The following CHD6 variants were observed in gnomAD, a reference collection of about 807,000 sequenced individuals.
CHD6 encodes the protein ATP-dependent chromatin remodeler CHD6.
CHD6 carries 50 observed loss-of-function variants against 276.9 expected under a neutral mutation model. That is an observed-to-expected ratio of 0.18 (90% CI 0.14 to 0.23). CHD6 has a LOEUF of 0.23. Among genes scored for constraint, CHD6 ranks in the 10% least tolerant of loss-of-function variants. CHD6 has a pLI of 1.00. For synonymous variants in CHD6, 1,173 were observed against 1,229.3 expected, an observed-to-expected ratio of 0.95 and a Z score of 0.96; for missense variants, 2,564 against 3,365.8, an observed-to-expected ratio of 0.76 and a Z score of 5.89.
chr20:41,490,085 T>A (rs533119862), intron 11 of CHD6, 64 bp from the exon 12 acceptor site: 41 of 1,412,668 alleles, frequency 2.9e-5, no homozygotes, highest in East Asian at 1.1e-4. Context: ...AGGCTGGTTA[T>A]AACTTGAAAA....
intron 17 of CHD6, among the ~76,000 whole-genome samples, chr20:41,470,348 A>G (rs2043025917): frequency 6.6e-6 from 1 of 151,390 alleles, no homozygotes; most frequent in Non-Finnish European, 1.5e-5. Context: ...TAGACTGGCT[A>G]GACTTTAAAA....
intron 1 of CHD6, among the ~76,000 whole-genome samples, chr20:41,617,929 G>T (rs1020531252): frequency 3.4e-5 from 5 of 146,942 alleles, no homozygotes; most frequent in Admixed American, 3.4e-4. Context: ...GGGCCCGGGG[G>T]TCCCACCGCG....
intron 17 of CHD6, among the ~76,000 whole-genome samples, chr20:41,471,438 A>T (rs1407942401): frequency 6.6e-6 from 1 of 152,202 alleles, no homozygotes; most frequent in African/African-American, 2.4e-5. Flanking sequence ...GAAAGATGGT[A>T]AGCTAGTTAT....
chr20:41,493,297 C>A (rs2043600559), intron 10 of CHD6, among the ~76,000 whole-genome samples: 1 of 151,982 alleles, frequency 6.6e-6, no homozygotes, highest in African/African-American at 2.4e-5. Context: ...GAAATCTAAG[C>A]CAATATCAAA....
chr20:41,442,991 G>T (rs1053233445), intron 25 of CHD6, among the ~76,000 whole-genome samples: 1 of 152,176 alleles, frequency 6.6e-6, no homozygotes, highest in Non-Finnish European at 1.5e-5. Context: ...TTCTTCTCTT[G>T]TCTTTATAGC....
At chr20:41,542,973 G>A (rs1258911689) in intron 2 of CHD6, among the ~76,000 whole-genome samples, 3 of 151,820 alleles carry the variant, frequency 2.0e-5, no homozygotes, top group South Asian at 2.1e-4. Flanking sequence ...GTGTGGTGGC[G>A]TGTGCCTGTA....
chr20:41,576,820 T>C (rs965008090), intron 1 of CHD6, among the ~76,000 whole-genome samples: 1 of 152,354 alleles, frequency 6.6e-6, no homozygotes, highest in South Asian at 2.1e-4. Flanking sequence ...ATCAGATTGT[T>C]ATTACAATGT....
chr20:41,520,685 G>T (rs1216648318), intron 3 of CHD6, among the ~76,000 whole-genome samples: 2 of 129,636 alleles, frequency 1.5e-5, no homozygotes, highest in African/African-American at 2.8e-5. Flanking sequence ...TCGGGGGAGG[G>T]GGGAGGGATA....
rs146216491 is a variant in CHD6, at chr20:41,488,094, C to T, written c.1858-286G>A. ...CCAGATACTGGGCACTGTGCCAAGG[C>T]AGTAATGTTAAAAGGGCATCATCTT... is the stretch of plus-strand genomic sequence containing the variant. On this transcript the variant is annotated intron_variant, in intron 13 of 36. Coordinates refer to ENST00000373233, the MANE Select transcript of CHD6 (RefSeq NM_032221.5). Among the ~76,000 whole-genome samples, 79 of 152,178 alleles carry T rather than the reference C, an allele frequency of 5.2e-4. No individual in the cohort carries two copies. The East Asian group carries it at 0.013, about 24-fold the overall frequency.
rs752955138 is a variant in CHD6 at position 41,405,415 on chromosome 20, C to A, written c.7326G>T (p.Arg2442Ser). 5 of 1,612,420 alleles carry A rather than the reference C, an allele frequency of 3.1e-6. No homozygotes were observed. Among genetic ancestry groups the A allele is most frequent in the East Asian group, 2.2e-5 (1 of 44,856 alleles). Reference protein sequence around the residue: ...PILRDTGPRRRGRRPRSELLK... With the variant: ...PILRDTGPRRSGRRPRSELLK... ...GGAGTTCGCTCCGAGGCCGCCTCCC[C>A]CTCCTGCGGGGGCCCGTATCTCGAA... Residue 2442 changes from arginine to serine, a missense_variant, in exon 37 of 37, where the codon AGG (arginine) becomes AGT (serine). Arg to Ser is a moderately radical substitution (Grantham distance 110). This residue lies in a region of CHD6 where 1,024 missense variants were observed against 1,047.9 expected (regional missense o/e 0.98). Transcript: ENST00000373233.
At chr20:41,434,011 T>TA (rs34303678) in intron 27 of CHD6, among the ~76,000 whole-genome samples, 1 of 151,074 alleles carries the variant, frequency 6.6e-6, no homozygotes, top group African/African-American at 2.4e-5. Context: ...GCAGGAAAAA[T>TA]AAAAAATCAG....
At chr20:41,429,126 G>C (rs1207051270) in intron 27 of CHD6, among the ~76,000 whole-genome samples, 1 of 152,166 alleles carries the variant, frequency 6.6e-6, no homozygotes, top group South Asian at 2.1e-4. Flanking sequence ...TAGGAACTGT[G>C]GCACAGCACG....
chr20:41,520,040 C>T (rs1021557394), intron 3 of CHD6, among the ~76,000 whole-genome samples: 1 of 152,162 alleles, frequency 6.6e-6, no homozygotes, highest in African/African-American at 2.4e-5. Context: ...CGAAAGAAGA[C>T]ATTTATGCCG....
At chr20:41,565,415 A>G (rs1323021688) in intron 1 of CHD6, among the ~76,000 whole-genome samples, 3 of 152,176 alleles carry the variant, frequency 2.0e-5, no homozygotes, top group South Asian at 2.1e-4. Flanking sequence ...AAGTGGCCTA[A>G]GATGCTAGAA....
At position 41,417,307 on chromosome 20, in the gene CHD6, G is replaced by A. The variant is rs1374380463; in HGVS notation, c.6170C>T (p.Thr2057Ile). The A allele has an allele frequency of 6.2e-7, 1 of 1,614,190 alleles. No homozygotes were observed. Among genetic ancestry groups the A allele is most frequent in the Non-Finnish European group, 8.5e-7 (1 of 1,180,036 alleles). Residue 2057 changes from threonine to isoleucine, a missense_variant, in exon 32 of 37, where the codon ACA (threonine) becomes ATA (isoleucine). Thr to Ile is a moderately conservative substitution (Grantham distance 89). Around this residue, in one of 7 missense-constraint regions of CHD6, gnomAD observed 1,024 missense variants for 1,047.9 expected, o/e 0.98. Transcript: ENST00000373233. ...CCCAATGTCTCCTGTGATGCCCGAT[G>A]TTGAGCTCTTGCTCTCCTCTTCAGA... is the stretch of plus-strand genomic sequence containing the variant. ...KYSEEESKSS[T>I]SGITGDIGDE...
chr20:41,593,616 G>A (rs779768010), intron 1 of CHD6, among the ~76,000 whole-genome samples: 3 of 152,166 alleles, frequency 2.0e-5, no homozygotes, highest in Non-Finnish European at 4.4e-5. Flanking sequence ...AAGCTGCAGT[G>A]TCTGACCCCC....
chr20:41,484,303 C>T (rs535181819), intron 15 of CHD6, 49 bp downstream of exon 15: 105 of 1,603,388 alleles, frequency 6.5e-5, no homozygotes, highest in South Asian at 1.4e-4. Flanking sequence ...ATTAGCTTCT[C>T]GCAGAGGTCA....
intron 25 of CHD6, among the ~76,000 whole-genome samples, chr20:41,442,744 G>A (rs2047937710): frequency 6.6e-6 from 1 of 152,192 alleles, no homozygotes; most frequent in Admixed American, 6.5e-5. Context: ...GTGGTCAGAT[G>A]TGTTACCTAG....
intron 3 of CHD6, among the ~76,000 whole-genome samples, chr20:41,518,452 G>A (rs760738307): frequency 6.6e-6 from 1 of 152,054 alleles, no homozygotes; most frequent in African/African-American, 2.4e-5. Context: ...GTTAAATGTT[G>A]AAAGGAGGGG....
Sources: gnomAD v4.1 joint callset for allele counts (sites outside exome capture counted in the v4.1 genomes callset) on GRCh38, gnomAD v4.1.1 for gene constraint, gnomAD v4.1.1 regional missense constraint, MANE v1.5 for transcripts, NCBI Gene and HGNC (gene_info 2026-07-23, HGNC 2026-07-21) for gene names.